Variants in CSNK1G1 observed in about 807,000 individuals in gnomAD.
CSNK1G1 encodes casein kinase I isoform gamma-1.
A neutral mutation model predicts 59.6 loss-of-function variants in CSNK1G1; 22 were observed. The ratio of observed to expected loss-of-function variants is 0.37; its 90% CI spans 0.26 to 0.53. The LOEUF (loss-of-function observed/expected upper bound fraction) is 0.53. Among genes scored for constraint, CSNK1G1 ranks in the 20% least tolerant of loss-of-function variants. The pLI is 0.89. For synonymous variants in CSNK1G1, 179 were observed against 177.1 expected, an observed-to-expected ratio of 1.01 and a Z score of -0.08; for missense variants, 384 against 519.5, an observed-to-expected ratio of 0.74 and a Z score of 2.54.
chr15:64,202,848 T>C (rs2082125632), intron 10 of CSNK1G1, among the ~76,000 whole-genome samples: 1 of 152,172 alleles, frequency 6.6e-6, no homozygotes, highest in African/African-American at 2.4e-5. Flanking sequence ...CCACTGCACT[T>C]GGCCAGGCTG....
chr15:64,254,309 G>T (rs1892251759), intron 3 of CSNK1G1, among the ~76,000 whole-genome samples: 1 of 151,920 alleles, frequency 6.6e-6, no homozygotes, highest in Admixed American at 6.6e-5. Context: ...GATGGATGGT[G>T]GTGATGGTTG....
intron 4 of CSNK1G1, among the ~76,000 whole-genome samples, chr15:64,218,971 CA>C (rs1334678720): frequency 6.6e-6 from 1 of 151,354 alleles, no homozygotes; most frequent in Non-Finnish European, 1.5e-5. Context: ...TCTCCTGCCT[CA>C]GCCTCCTGAG....
At chr15:64,189,808 C>T (rs987893928) in intron 10 of CSNK1G1, among the ~76,000 whole-genome samples, 2 of 146,528 alleles carry the variant, frequency 1.4e-5, no homozygotes, top group African/African-American at 5.0e-5. Context: ...ACACCAGCTA[C>T]AATTTACTTT....
Position 64,214,207 on chromosome 15 carries a change from G to C in CSNK1G1, c.445-83C>G, listed in dbSNP as rs917398848. Reference sequence around the variant, plus strand: ...AAAACAGTTTCTTTAGCCAGACCAAGGTTTTAATTATTGAAATAACAGTAA... The same window carrying C: ...AAAACAGTTTCTTTAGCCAGACCAACGTTTTAATTATTGAAATAACAGTAA... On this transcript the variant is annotated intron_variant, in intron 5 of 11. Coordinates refer to ENST00000303052, the MANE Select transcript of CSNK1G1 (RefSeq NM_022048.5). The surrounding 1 kb of genome is among the most constrained non-coding windows in gnomAD (Gnocchi z 4.3). The C allele has an allele frequency of 5.0e-5, 50 of 991,766 alleles. No individual in the cohort carries two copies. The highest frequency in any genetic ancestry group is 7.1e-5 in the Non-Finnish European group (45 of 635,642). The allele number at this position is 991,766 out of a possible 1,614,324, so 61.4% of individuals were successfully genotyped here.
chr15:64,268,561 C>CCA (rs376816526), intron 2 of CSNK1G1, among the ~76,000 whole-genome samples: 1 of 152,284 alleles, frequency 6.6e-6, no homozygotes, highest in African/African-American at 2.4e-5. Context: ...TCTGGGTACT[C>CCA]CAGTTTCTTC....
At chr15:64,219,272 C>A (rs1021541429) in intron 4 of CSNK1G1, among the ~76,000 whole-genome samples, 1 of 152,202 alleles carries the variant, frequency 6.6e-6, no homozygotes, top group Admixed American at 6.5e-5. Context: ...AAGCAGAACA[C>A]TCTGTCCTAG....
intron 4 of CSNK1G1, among the ~76,000 whole-genome samples, chr15:64,231,378 T>C (rs938771107): frequency 2.0e-5 from 3 of 147,728 alleles, no homozygotes; most frequent in Non-Finnish European, 3.0e-5. Flanking sequence ...TATAAACATA[T>C]ATATATTTGG....
intron 4 of CSNK1G1, among the ~76,000 whole-genome samples, chr15:64,221,389 T>C (rs1409818471): frequency 6.6e-6 from 1 of 152,168 alleles, no homozygotes; most frequent in Non-Finnish European, 1.5e-5. Context: ...GGATTTTGAG[T>C]AATATCTACA....
At chr15:64,243,662 C>CA (rs974747799) in intron 4 of CSNK1G1, among the ~76,000 whole-genome samples, 3 of 151,910 alleles carry the variant, frequency 2.0e-5, no homozygotes, top group Non-Finnish European at 2.9e-5. Flanking sequence ...AAACTGCCAC[C>CA]AAAAAAATTC....
intron 1 of CSNK1G1, among the ~76,000 whole-genome samples, chr15:64,326,941 C>G (rs1896875392): frequency 6.6e-6 from 1 of 150,434 alleles, no homozygotes; most frequent in Admixed American, 6.6e-5. Flanking sequence ...GGGTCACTCC[C>G]ACCCGAATAT....
At chr15:64,284,726 G>C (rs1165398580) in intron 2 of CSNK1G1, among the ~76,000 whole-genome samples, 1 of 151,748 alleles carries the variant, frequency 6.6e-6, no homozygotes, top group Non-Finnish European at 1.5e-5. Context: ...ATGTCTACTA[G>C]GGAACTATTT....
chr15:64,246,319 T>C (rs1433561648), intron 4 of CSNK1G1, among the ~76,000 whole-genome samples: 1 of 152,112 alleles, frequency 6.6e-6, no homozygotes, highest in East Asian at 1.9e-4. Flanking sequence ...ATTTGTGAAG[T>C]TTCAACTGGG....
chr15:64,273,057 G>A (rs905929698), intron 2 of CSNK1G1, among the ~76,000 whole-genome samples: 19 of 152,048 alleles, frequency 1.2e-4, no homozygotes, highest in Admixed American at 9.8e-4. Context: ...CTTTATACAT[G>A]GTTTCACTTA....
chr15:64,297,858 TCTC>T (rs1312468911), intron 2 of CSNK1G1, among the ~76,000 whole-genome samples: 4 of 152,180 alleles, frequency 2.6e-5, no homozygotes, highest in African/African-American at 9.7e-5. Flanking sequence ...TTTACAATCT[TCTC>T]CTCGCTAATA....
chr15:64,290,691 T>A (rs1764573204), intron 2 of CSNK1G1, among the ~76,000 whole-genome samples: 1 of 152,208 alleles, frequency 6.6e-6, no homozygotes, highest in Non-Finnish European at 1.5e-5. Context: ...TATATCCACA[T>A]AACAACAAAA....
chr15:64,295,117 G>A (rs754699325), intron 2 of CSNK1G1, among the ~76,000 whole-genome samples: 2 of 152,018 alleles, frequency 1.3e-5, no homozygotes, highest in Non-Finnish European at 2.9e-5. Context: ...CTAAGTCTCA[G>A]ATATGCATTT....
At chr15:64,195,967 C>T (rs2082032878) in intron 10 of CSNK1G1, among the ~76,000 whole-genome samples, 1 of 152,188 alleles carries the variant, frequency 6.6e-6, no homozygotes, top group South Asian at 2.1e-4. Context: ...TGGTAGCTCA[C>T]ACTTGTAATC....
At chr15:64,237,020 A>C (rs1301124630) in intron 4 of CSNK1G1, among the ~76,000 whole-genome samples, 1 of 152,212 alleles carries the variant, frequency 6.6e-6, no homozygotes, top group African/African-American at 2.4e-5. Flanking sequence ...AAAACAAACC[A>C]GGCACAGAAA....
intron 10 of CSNK1G1, among the ~76,000 whole-genome samples, chr15:64,199,086 G>GA (rs60763700): frequency 1.9e-3 from 263 of 136,834 alleles, no homozygotes; most frequent in South Asian, 7.0e-3. Flanking sequence ...CAGAAAATAC[G>GA]AAAAAAAAAA....
Sources: allele counts gnomAD v4.1 joint callset (sites outside exome capture counted in the v4.1 genomes callset), GRCh38; gene constraint gnomAD v4.1.1; non-coding constraint Gnocchi (gnomAD v3.1); transcripts MANE v1.5; gene names NCBI Gene and HGNC (gene_info 2026-07-23, HGNC 2026-07-21).